The following COL2A1 variants were observed in gnomAD, a reference collection of about 807,000 sequenced individuals.
COL2A1 encodes the protein collagen type II alpha 1 chain, also known as collagen alpha-1(II) chain.
COL2A1 carries 28 observed loss-of-function variants against 204.5 expected under a neutral mutation model. The ratio of observed to expected loss-of-function variants is 0.14; its 90% confidence interval spans 0.10 to 0.19. The LOEUF is 0.19. COL2A1 is among the 10% of genes least tolerant of loss of function. The probability of loss-of-function intolerance (pLI) is 1.00; values close to 1 mark genes in which losing one functional copy is unlikely to be tolerated. For missense variants in COL2A1, 1,388 were observed against 2,027.5 expected, an observed-to-expected ratio of 0.68 and a Z score of 6.06; for synonymous variants, 708 against 718.7, an observed-to-expected ratio of 0.99 and a Z score of 0.24.
In COL2A1 at chr12:47,977,356, A is replaced by G; in HGVS notation, c.3237T>C (p.Ala1079=). The G allele has an allele frequency of 5.0e-6, 8 of 1,613,812 alleles. No homozygotes were observed. The highest frequency in any genetic ancestry group is 6.8e-6 in the Non-Finnish European group (8 of 1,179,734). The part of the protein sequence containing the change: ...APGPPGSPGP[A]GPTGKQGDRG... The stretch of plus-strand genomic sequence containing the variant: ...TGTCTCCTTGCTTGCCAGTTGGACC[A>G]GCGGGGCCAGGGGAGCCAGGGGGCC... The change falls in exon 46 of 54, where the codon GCT becomes GCC. Residue 1079 remains alanine (A), a synonymous_variant. Transcript: ENST00000380518.
At chr12:47,992,325 G>A (rs796584875) in intron 16 of COL2A1, among the ~76,000 whole-genome samples, 6 of 152,212 alleles carry the variant, frequency 3.9e-5, no homozygotes, top group South Asian at 2.1e-4. Flanking sequence ...TTTTTCATCC[G>A]TAAAATGGGG....
intron 17 of COL2A1, among the ~76,000 whole-genome samples, 179 bp from the exon 18 acceptor site, chr12:47,989,460 T>A (rs1939596513): frequency 6.6e-6 from 1 of 152,206 alleles, no homozygotes; most frequent in Non-Finnish European, 1.5e-5. Context: ...AAACTTTGCC[T>A]GGCTTCAGAA....
intron 18 of COL2A1, among the ~76,000 whole-genome samples, chr12:47,988,209 C>T (rs1939531695): frequency 6.6e-6 from 1 of 152,230 alleles, no homozygotes; most frequent in African/African-American, 2.4e-5. Flanking sequence ...CAGTGACACC[C>T]TGGCTCCGGC....
chr12:47,977,496 A>T (rs916906232), intron 45 of COL2A1, 69 bp from the exon 46 acceptor site: 13 of 1,584,824 alleles, frequency 8.2e-6, no homozygotes, highest in Non-Finnish European at 1.0e-5. Context: ...AGGTCCTTCT[A>T]GGCTGAGATG....
At chr12:47,975,171 C>G in intron 51 of COL2A1, 146 bp downstream of exon 51, 1 of 1,121,044 alleles carries the variant, frequency 8.9e-7, no homozygotes, top group East Asian at 2.6e-5. Context: ...TGCAGCTTCT[C>G]TGCTGTGAAA....
chr12:48,004,337 C>G lies in COL2A1; in HGVS notation c.-16G>C. On this transcript the variant is annotated 5_prime_UTR_variant, in exon 1 of 54. Coordinates refer to ENST00000380518, the MANE Select transcript of COL2A1 (RefSeq NM_001844.5). ...GGCGAATCATGGCTCACCGCGGGGC[C>G]TGGCTGAGCCGGGCCCGGGCGGAGC... 1 of 1,515,194 alleles carries G rather than the reference C, an allele frequency of 6.6e-7. No individual in the cohort carries two copies. The highest frequency in any genetic ancestry group is 9.0e-7 in the Non-Finnish European group (1 of 1,116,164). The allele number at this position is 1,515,194 out of a possible 1,614,324, so 93.9% of individuals were successfully genotyped here. A position where few individuals can be genotyped will look rare whatever the true frequency, so the allele number is the denominator to read the frequency against.
chr12:47,988,013 C>T (rs1194365854), intron 18 of COL2A1, among the ~76,000 whole-genome samples: 2 of 152,214 alleles, frequency 1.3e-5, no homozygotes, highest in Admixed American at 6.5e-5. Context: ...CCTGCTGTTC[C>T]ATCGACACCA....
chr12:47,978,059 G>A lies in COL2A1; in HGVS notation c.3062C>T (p.Pro1021Leu). Residue 1021 changes from proline to leucine, a missense_variant, in exon 44 of 54, where the codon CCC becomes CTC. By Grantham distance (98) the Pro-to-Leu change is moderately conservative. Around this residue, in one of 3 missense-constraint regions of COL2A1, gnomAD observed 884 missense variants for 1,415.8 expected, o/e 0.62. Transcript: ENST00000380518. This position sits in a 1 kb window ranked among gnomAD's most constrained non-coding sequence, Gnocchi z 5.5. ...ACCCGTCAGGCCAGGAGGACCCACG[G>A]GGCCAGGAGGACCTCTGTCTCCAGA... ...GASGDRGPPG[P>L]VGPPGLTGPA... 6.2e-7 allele frequency: 1 copy of A among 1,613,834 alleles called. No homozygotes were observed. Among genetic ancestry groups the A allele is most frequent in the Non-Finnish European group, 8.5e-7 (1 of 1,180,024 alleles).
intron 2 of COL2A1, chr12:47,999,633 G>GCTTTTT: frequency 9.1e-6 from 2 of 220,862 alleles, no homozygotes; most frequent in East Asian, 2.0e-4. Context: ...TTTCAGAGAG[G>GCTTTTT]ATTTTTTTTT....
Position 47,980,178 on chromosome 12 carries a change from TA to T in COL2A1, c.2626-117del. 1 of 956,134 alleles carries T rather than the reference TA, an allele frequency of 1.0e-6. No individual in the cohort carries two copies. Among genetic ancestry groups the T allele is most frequent in the Non-Finnish European group, 1.6e-6 (1 of 608,472 alleles). 59.2% of individuals were successfully genotyped at this position (956,134 alleles called of 1,614,324 possible). On this transcript the variant is annotated intron_variant, in intron 39 of 53. Transcript: ENST00000380518. The surrounding 1 kb of genome is among the most constrained non-coding windows in gnomAD (Gnocchi z 4.5). Reference sequence around the variant, plus strand: ...TTCGAAGATGCAGCTTTCTTGGCACTAAAAACCCAGCCTGAAGAGGCTGCCA... The same window carrying T: ...TTCGAAGATGCAGCTTTCTTGGCACTAAAACCCAGCCTGAAGAGGCTGCCA...
chr12:47,975,021 G>T (rs1435985856), intron 51 of COL2A1, among the ~76,000 whole-genome samples, 159 bp from the exon 52 acceptor site: 1 of 152,162 alleles, frequency 6.6e-6, no homozygotes, highest in African/African-American at 2.4e-5. Context: ...AGGATGCAGG[G>T]GCAGGGAGAT....
In COL2A1 at chr12:47,976,465, CCA is replaced by C. The variant is rs768588324; in HGVS notation, c.3489+47_3489+48del. 7.5e-6 allele frequency: 12 copies of C among 1,596,914 alleles called. 1 individual carries two copies. In the South Asian group the frequency reaches 1.3e-4, roughly 18 times the overall value. ...TTTCCCTCCCCATGGGAACACAGGC[CCA>C]CACTCTCTGAAGGGCCCCCTCCATC... On this transcript the variant is annotated intron_variant, in intron 49 of 53. Transcript: ENST00000380518. The surrounding 1 kb of genome is among the most constrained non-coding windows in gnomAD (Gnocchi z 4.3).
chr12:47,993,318 C>T, intron 15 of COL2A1, 140 bp downstream of exon 15: 1 of 742,476 alleles, frequency 1.3e-6, no homozygotes, highest in South Asian at 1.5e-5. Context: ...AATCATCTGT[C>T]TAATACATTT....
At position 47,980,402 on chromosome 12, in the gene COL2A1, C is replaced by G. The variant is rs573337523; in HGVS notation, c.2625+152G>C. The G allele has an allele frequency of 1.3e-6, 1 of 774,036 alleles. No homozygotes were observed. The highest frequency in any genetic ancestry group is 1.5e-5 in the South Asian group (1 of 66,858). 47.9% of individuals were successfully genotyped at this position (774,036 alleles called of 1,614,324 possible). On this transcript the variant is annotated intron_variant, in intron 39 of 53. Transcript: ENST00000380518. This position sits in a 1 kb window ranked among gnomAD's most constrained non-coding sequence, Gnocchi z 4.5. The stretch of plus-strand genomic sequence containing the variant: ...TGTCAGTCCCTACACCCCACCCACA[C>G]AGCCCACATGCCACATGGAAGCTCC...
intron 47 of COL2A1, 30 bp downstream of exon 47, chr12:47,977,072 G>A: frequency 6.3e-7 from 1 of 1,594,864 alleles, no homozygotes; most frequent in Non-Finnish European, 8.5e-7. Context: ...TCCCTGGTGG[G>A]GACTCAGTGC....
At chr12:47,990,844 C>T (rs1939666953) in intron 16 of COL2A1, among the ~76,000 whole-genome samples, 1 of 152,176 alleles carries the variant, frequency 6.6e-6, no homozygotes, top group Non-Finnish European at 1.5e-5. Context: ...TTTACCGAAA[C>T]TCTGGGGGCC....
intron 32 of COL2A1, 36 bp downstream of exon 32, chr12:47,983,057 A>T (rs781435807): frequency 1.2e-6 from 2 of 1,612,436 alleles, no homozygotes; most frequent in East Asian, 4.5e-5. Context: ...GGGCAGGCCC[A>T]AGGAGGCAGC....
At chr12:47,991,191 C>T (rs1939685427) in intron 16 of COL2A1, among the ~76,000 whole-genome samples, 1 of 152,204 alleles carries the variant, frequency 6.6e-6, no homozygotes, top group African/African-American at 2.4e-5. Context: ...AGCACCCTCT[C>T]CCCAGGGGTC....
intron 16 of COL2A1, among the ~76,000 whole-genome samples, chr12:47,990,717 G>A (rs1301666065): frequency 6.6e-6 from 1 of 152,244 alleles, no homozygotes. Context: ...ACAAAGCAAG[G>A]CAAGGTTGCC....
Sources: allele counts gnomAD v4.1 joint callset (sites outside exome capture counted in the v4.1 genomes callset), GRCh38; gene constraint gnomAD v4.1.1; regional missense constraint gnomAD v4.1.1; non-coding constraint Gnocchi (gnomAD v3.1); transcripts MANE v1.5; gene names NCBI Gene and HGNC (gene_info 2026-07-23, HGNC 2026-07-21).